Variants in PEAR1 observed in about 807,000 individuals in gnomAD.
PEAR1 encodes platelet endothelial aggregation receptor 1.
PEAR1 carries 113 observed loss-of-function variants against 131.2 expected under a neutral mutation model. The ratio of observed to expected loss-of-function variants is 0.86; its 90% CI spans 0.74 to 1.01. The LOEUF is 1.01. PEAR1 is among the 50% of genes least tolerant of loss of function. The pLI is 0.00. For synonymous variants in PEAR1, 565 were observed against 523.3 expected, an observed-to-expected ratio of 1.08 and a Z score of -1.09; for missense variants, 1,408 against 1,391.1, an observed-to-expected ratio of 1.01 and a Z score of -0.19.
At chr1:156,911,679 A>G (rs1222405030) in intron 15 of PEAR1, among the ~76,000 whole-genome samples, 1 of 151,864 alleles carries the variant, frequency 6.6e-6, no homozygotes, top group Non-Finnish European at 1.5e-5. Flanking sequence ...CCTTTCCCCC[A>G]CAAAAATATA....
intron 21 of PEAR1, 44 bp downstream of exon 21, chr1:156,913,804 G>A (rs2101552562): frequency 6.2e-7 from 1 of 1,611,848 alleles, no homozygotes; most frequent in Non-Finnish European, 8.5e-7. Context: ...AGCTGGGGCT[G>A]AGGAACCAGT....
Position 156,912,308 on chromosome 1 carries a change from G to A in PEAR1, c.2013G>A (p.Gly671=). The stretch of plus-strand genomic sequence containing the variant: ...AGACCTGCCAATGTCACCATGGTGG[G>A]ACCTGCCATCCCCAGGATGGGAGCT... ...CAQTCQCHHG[G]TCHPQDGSCI... is the part of the protein sequence containing the mutation. The change falls in exon 16 of 23, where the codon GGG becomes GGA. Residue 671 remains glycine (G), a synonymous_variant. Transcript: ENST00000292357. 1 of 1,614,012 alleles carries A rather than the reference G, an allele frequency of 6.2e-7. No individual in the cohort carries two copies.
Position 156,910,363 on chromosome 1 carries a change from GC to G in PEAR1, c.1812del (p.Ser605ProfsTer80). The part of the protein sequence containing the change: ...GNCVCAPGFR[G>X]PSCQRSCQPG... ...TGCGTGTGTGCACCCGGATTCCGGG[GC>G]CCCTCCTGCCAGAGATGTGAGGCTC... On this transcript the variant is annotated frameshift_variant, in exon 14 of 23. Coordinates refer to ENST00000292357, the MANE Select transcript of PEAR1 (RefSeq NM_001080471.3). LOFTEE classifies it high-confidence loss of function. 6.3e-7 allele frequency: 1 copy of G among 1,599,088 alleles called. No individual in the cohort carries two copies. The highest frequency in any genetic ancestry group is 1.1e-5 in the South Asian group (1 of 88,238).
intron 11 of PEAR1, 111 bp from the exon 12 acceptor site, chr1:156,909,640 C>T: frequency 7.9e-7 from 1 of 1,262,538 alleles, no homozygotes; most frequent in Non-Finnish European, 1.1e-6. Context: ...CGTGAACACC[C>T]CCCACCCACC....
In PEAR1 at chr1:156,902,504, G is replaced by A. The variant is rs1274182082; in HGVS notation, c.-9-1414G>A. On this transcript the variant is annotated intron_variant, in intron 1 of 22. Transcript: ENST00000292357. This position sits in a 1 kb window ranked among gnomAD's most constrained non-coding sequence, Gnocchi z 4.3. ...AGGTGAAGGAGGAACATGGGCGGCT[G>A]AGATGGGGTTAATTTAGGAGCCTAG... 1.3e-5 allele frequency among the ~76,000 whole-genome samples: 2 copies of A among 152,110 alleles called. No individual in the cohort carries two copies. The highest frequency in any genetic ancestry group is 4.8e-5 in the African/African-American group (2 of 41,402).
In PEAR1 at chr1:156,914,951, T is replaced by C; in HGVS notation, c.*153T>C. On this transcript the variant is annotated 3_prime_UTR_variant, in exon 23 of 23. Coordinates refer to ENST00000292357, the MANE Select transcript of PEAR1 (RefSeq NM_001080471.3). ...AACAGAGCAAGTGATGGGAGCCTTGTTCCTGGGTTCTACCATGGGAGACGC... is the reference window on the plus strand; with the variant it reads ...AACAGAGCAAGTGATGGGAGCCTTGCTCCTGGGTTCTACCATGGGAGACGC... 1 of 849,816 alleles carries C rather than the reference T, an allele frequency of 1.2e-6. No homozygotes were observed. Among genetic ancestry groups the C allele is most frequent in the Non-Finnish European group, 1.7e-6 (1 of 587,208 alleles). The allele number at this position is 849,816 out of a possible 1,614,324, so 52.6% of individuals were successfully genotyped here.
At chr1:156,900,280 T>A (rs1287623117) in intron 1 of PEAR1, among the ~76,000 whole-genome samples, 2 of 151,926 alleles carry the variant, frequency 1.3e-5, no homozygotes, top group Non-Finnish European at 2.9e-5. Flanking sequence ...ACATCTCAGT[T>A]CCCACGCTTC....
chr1:156,904,241 T>C (rs1046099721), intron 2 of PEAR1, among the ~76,000 whole-genome samples: 1 of 152,192 alleles, frequency 6.6e-6, no homozygotes, highest in African/African-American at 2.4e-5. Flanking sequence ...TCTCAGTCTC[T>C]GAACCATCCT....
In PEAR1 at chr1:156,903,619, C is replaced by G. The variant is rs1649906468; in HGVS notation, c.-9-299C>G. 2.0e-5 allele frequency among the ~76,000 whole-genome samples: 3 copies of G among 152,124 alleles called. 1 individual carries two copies. In the South Asian group the frequency reaches 6.2e-4, roughly 32 times the overall value. On this transcript the variant is annotated intron_variant, in intron 1 of 22. Transcript: ENST00000292357. ...ATGAGTGGGATCATCTGCCAATGAG[C>G]ATCAGGAAGTGGAGGAGGGAAGGGG...
rs2103003298 is a variant in PEAR1 at position 156,908,594 on chromosome 1, C to G, written c.1116-61C>G. ...AATCCCACTGACCACGCGGAGGGGT[C>G]GGGAAGCTGCCCTGCCCCTGCCCAG... is the stretch of plus-strand genomic sequence containing the variant. On this transcript the variant is annotated intron_variant, in intron 9 of 22. Transcript: ENST00000292357. The surrounding 1 kb of genome is among the most constrained non-coding windows in gnomAD (Gnocchi z 4.2). The G allele has an allele frequency of 1.4e-6, 2 of 1,432,758 alleles. No homozygotes were observed. The highest frequency in any genetic ancestry group is 2.5e-5 in the East Asian group (1 of 40,046). The allele number at this position is 1,432,758 out of a possible 1,614,324, so 88.8% of individuals were successfully genotyped here. A position where few individuals can be genotyped will look rare whatever the true frequency, so the allele number is the denominator to read the frequency against.
chr1:156,907,758 G>A, intron 7 of PEAR1, 28 bp downstream of exon 7: 1 of 1,594,286 alleles, frequency 6.3e-7, no homozygotes, highest in Non-Finnish European at 8.6e-7. Context: ...TGTGGGCATG[G>A]GGTGTGGGTC....
intron 1 of PEAR1, among the ~76,000 whole-genome samples, chr1:156,895,587 A>C (rs763504477): frequency 1.5e-4 from 23 of 152,254 alleles, no homozygotes; most frequent in Non-Finnish European, 2.9e-4. Context: ...ATAGAGACAG[A>C]TATAAATACG....
At position 156,899,114 on chromosome 1, in the gene PEAR1, G is replaced by A. The variant is rs74415352; in HGVS notation, c.-9-4804G>A. 2.8e-3 allele frequency among the ~76,000 whole-genome samples: 431 copies of A among 152,298 alleles called. 2 individuals are homozygous for A. The highest frequency in any genetic ancestry group is 0.01 in the African/African-American group (418 of 41,562). On this transcript the variant is annotated intron_variant, in intron 1 of 22. Coordinates refer to ENST00000292357, the MANE Select transcript of PEAR1 (RefSeq NM_001080471.3). ...GGAACCAGCAGTTCCAACCTTTGCA[G>A]GGCCCTGAGAGATGGCGGGGAGTGC...
intron 17 of PEAR1, 51 bp downstream of exon 17, chr1:156,912,673 C>T (rs767198912): frequency 3.1e-6 from 5 of 1,609,150 alleles, no homozygotes; most frequent in South Asian, 1.1e-5. Context: ...GGAACTGGGA[C>T]CTAGGCCCCT....
chr1:156,913,042 A>G (rs1651423068), intron 18 of PEAR1, 60 bp downstream of exon 18: 2 of 1,597,638 alleles, frequency 1.3e-6, no homozygotes, highest in Non-Finnish European at 1.7e-6. Flanking sequence ...ACAAGAGTGG[A>G]TGCTGGGCAT....
At chr1:156,906,474 G>A (rs1570960123) in intron 5 of PEAR1, 106 bp downstream of exon 5, 6 of 1,532,606 alleles carry the variant, frequency 3.9e-6, no homozygotes, top group African/African-American at 1.4e-5. Context: ...ACCCCAGGGC[G>A]ATTACCCGCC....
chr1:156,908,699 C>G lies in PEAR1; in HGVS notation c.1160C>G (p.Ala387Gly). ...GAGTGCTCCTGCCTGCCGGGCTGGG[C>G]GGGCCTCCACTGCAACGAGAGCTGC... ...NGECSCLPGWAGLHCNESCPQ... is the reference protein window; with the variant it reads ...NGECSCLPGWGGLHCNESCPQ... The change falls in exon 10 of 23, where the codon GCG (alanine) becomes GGG (glycine). Residue 387 changes from alanine (A) to glycine (G), a missense_variant. Transcript: ENST00000292357. This position sits in a 1 kb window ranked among gnomAD's most constrained non-coding sequence, Gnocchi z 4.2. 6.5e-7 allele frequency: 1 copy of G among 1,539,190 alleles called. No homozygotes were observed.
In PEAR1 at chr1:156,910,673, C is replaced by G. The variant is rs1222703136; in HGVS notation, c.1881C>G (p.His627Gln). ...GTGTGCCCTGCAAGTGCGCTAACCA[C>G]TCCTTCTGCCACCCCTCGAACGGGA... ...KRCVPCKCANHSFCHPSNGTC... is the reference protein window; with the variant it reads ...KRCVPCKCANQSFCHPSNGTC... Residue 627 changes from histidine to glutamine, a missense_variant, in exon 15 of 23, where the codon CAC becomes CAG. Physicochemically the swap from His to Gln is conservative, Grantham distance 24. Transcript: ENST00000292357. The G allele has an allele frequency of 6.2e-7, 1 of 1,614,108 alleles. No homozygotes were observed. Among genetic ancestry groups the G allele is most frequent in the South Asian group, 1.1e-5 (1 of 91,074 alleles).
In PEAR1 at chr1:156,902,976, G is replaced by A. The variant is rs1162917243; in HGVS notation, c.-9-942G>A. On this transcript the variant is annotated intron_variant, in intron 1 of 22. Transcript: ENST00000292357. The surrounding 1 kb of genome is among the most constrained non-coding windows in gnomAD (Gnocchi z 4.3). ...GGCCAGGTTGGTGACCTCTTCAGGTGATGGCACCTAGAGTTGGGTGTTGTG... is the reference window on the plus strand; with the variant it reads ...GGCCAGGTTGGTGACCTCTTCAGGTAATGGCACCTAGAGTTGGGTGTTGTG... Among the ~76,000 whole-genome samples the A allele has an allele frequency of 1.3e-5, 2 of 152,118 alleles. No individual in the cohort carries two copies. Among genetic ancestry groups the A allele is most frequent in the Non-Finnish European group, 2.9e-5 (2 of 68,016 alleles).
Sources: gnomAD v4.1 joint callset for allele counts (sites outside exome capture counted in the v4.1 genomes callset) on GRCh38, gnomAD v4.1.1 for gene constraint, Gnocchi (gnomAD v3.1) non-coding constraint, MANE v1.5 for transcripts, NCBI Gene and HGNC (gene_info 2026-07-23, HGNC 2026-07-21) for gene names.